Variants in LUZP2 observed in about 807,000 individuals in gnomAD.
LUZP2 encodes leucine zipper protein 2.
A neutral mutation model predicts 51.6 loss-of-function variants in LUZP2; 52 were observed. The observed-to-expected ratio is 1.01, with a 90% CI of 0.81 to 1.27. The LOEUF (loss-of-function observed/expected upper bound fraction) is 1.27. LUZP2 is among the 50% of genes most tolerant of loss of function. The probability of loss-of-function intolerance (pLI) is 0.00; values close to 1 mark genes in which losing one functional copy is unlikely to be tolerated. For missense variants in LUZP2, 436 were observed against 395.4 expected, an observed-to-expected ratio of 1.10 and a Z score of -0.87; for synonymous variants, 154 against 137.3, an observed-to-expected ratio of 1.12 and a Z score of -0.85.
At chr11:24,637,076 G>A (rs1465280819) in intron 1 of LUZP2, among the ~76,000 whole-genome samples, 1 of 151,594 alleles carries the variant, frequency 6.6e-6, no homozygotes, top group African/African-American at 2.4e-5. Flanking sequence ...TAATCTTTTG[G>A]TATAAAATTC....
intron 1 of LUZP2, among the ~76,000 whole-genome samples, chr11:24,662,567 A>G (rs1856057912): frequency 6.6e-6 from 1 of 152,096 alleles, no homozygotes; most frequent in Non-Finnish European, 1.5e-5. Context: ...ACAGAGAAAA[A>G]CAGATAATGA....
intron 1 of LUZP2, among the ~76,000 whole-genome samples, chr11:24,720,180 G>A (rs963910478): frequency 4.6e-5 from 7 of 151,918 alleles, no homozygotes; most frequent in African/African-American, 1.7e-4. Flanking sequence ...TATTATTTTA[G>A]TTCTGAATTC....
At chr11:24,652,545 T>C (rs750943178) in intron 1 of LUZP2, among the ~76,000 whole-genome samples, 2 of 152,110 alleles carry the variant, frequency 1.3e-5, no homozygotes, top group Non-Finnish European at 2.9e-5. Flanking sequence ...AGAAACTATG[T>C]ATATGTCCTC....
At chr11:24,508,702 A>G (rs11027958) in intron 1 of LUZP2, among the ~76,000 whole-genome samples, 15,963 of 152,122 alleles carry the variant, frequency 0.1, 926 homozygotes, top group African/African-American at 0.16. Flanking sequence ...ATTTTTAAAA[A>G]TAATTTATAA....
At chr11:24,606,849 G>C (rs7102799) in intron 1 of LUZP2, among the ~76,000 whole-genome samples, 41,383 of 151,752 alleles carry the variant, frequency 0.27, 5,841 homozygotes, top group Admixed American at 0.33. Context: ...TAAGGGATGT[G>C]AGGTAATATC....
intron 1 of LUZP2, among the ~76,000 whole-genome samples, chr11:24,507,487 T>A (rs936648158): frequency 2.6e-5 from 4 of 152,104 alleles, no homozygotes; most frequent in Non-Finnish European, 5.9e-5. Context: ...CTCACATAGC[T>A]TTCTTTAAAG....
chr11:24,777,751 T>A (rs922037912), intron 5 of LUZP2, among the ~76,000 whole-genome samples: 2 of 152,134 alleles, frequency 1.3e-5, no homozygotes, highest in African/African-American at 4.8e-5. Context: ...TCTTTGATAT[T>A]ATAGTACATA....
At chr11:24,893,654 C>A (rs916879090) in intron 5 of LUZP2, among the ~76,000 whole-genome samples, 2 of 151,796 alleles carry the variant, frequency 1.3e-5, no homozygotes, top group East Asian at 3.9e-4. Context: ...ATATGGAAAG[C>A]GTTTTATTTT....
At chr11:24,921,802 G>T (rs1291140867) in intron 7 of LUZP2, among the ~76,000 whole-genome samples, 1 of 152,086 alleles carries the variant, frequency 6.6e-6, no homozygotes, top group Non-Finnish European at 1.5e-5. Flanking sequence ...GGTGTCCGTG[G>T]AGTTCCTGGA....
intron 1 of LUZP2, among the ~76,000 whole-genome samples, chr11:24,582,728 C>T (rs906824561): frequency 6.6e-6 from 1 of 151,998 alleles, no homozygotes; most frequent in African/African-American, 2.4e-5. Flanking sequence ...AAATGTGTGC[C>T]TGGTTCCAGC....
chr11:24,837,942 G>T (rs528906519), intron 5 of LUZP2, among the ~76,000 whole-genome samples: 21 of 151,740 alleles, frequency 1.4e-4, no homozygotes, highest in African/African-American at 5.1e-4. Flanking sequence ...TTCACAAATG[G>T]TTGCATGATT....
intron 10 of LUZP2, among the ~76,000 whole-genome samples, chr11:25,055,241 C>T (rs1858648756): frequency 6.6e-6 from 1 of 151,936 alleles, no homozygotes; most frequent in African/African-American, 2.4e-5. Context: ...GATCTCTTGA[C>T]CTTGTGATCC....
At chr11:24,964,700 G>T (rs1855530907) in intron 7 of LUZP2, among the ~76,000 whole-genome samples, 1 of 151,914 alleles carries the variant, frequency 6.6e-6, no homozygotes, top group African/African-American at 2.4e-5. Context: ...AGGCAAAATG[G>T]ATTAATAGTA....
chr11:24,940,636 A>T (rs1854720599), intron 7 of LUZP2, among the ~76,000 whole-genome samples: 1 of 152,184 alleles, frequency 6.6e-6, no homozygotes, highest in Non-Finnish European at 1.5e-5. Flanking sequence ...TCAACTTATA[A>T]TAGCTTCTGG....
chr11:24,605,668 AT>A (rs2133875448), intron 1 of LUZP2, among the ~76,000 whole-genome samples: 1 of 151,990 alleles, frequency 6.6e-6, no homozygotes, highest in Admixed American at 6.6e-5. Flanking sequence ...TTAAAGTGAA[AT>A]TTTGAATTTT....
At chr11:25,024,872 A>G (rs1857440850) in intron 9 of LUZP2, among the ~76,000 whole-genome samples, 1 of 149,538 alleles carries the variant, frequency 6.7e-6, no homozygotes, top group Non-Finnish European at 1.5e-5. Context: ...AGCTGGAGGC[A>G]TCACGCTACC....
At chr11:24,965,295 C>T (rs1855547486) in intron 7 of LUZP2, among the ~76,000 whole-genome samples, 1 of 149,114 alleles carries the variant, frequency 6.7e-6, no homozygotes, top group Admixed American at 6.8e-5. Flanking sequence ...TTCACCTGGC[C>T]TAAAAGTAAA....
intron 1 of LUZP2, among the ~76,000 whole-genome samples, chr11:24,675,505 A>G (rs1317113423): frequency 1.3e-5 from 2 of 152,188 alleles, no homozygotes; most frequent in South Asian, 2.1e-4. Context: ...AGCTTGCCAT[A>G]GAGTACTTTC....
chr11:24,958,674 T>C (rs1474688669), intron 7 of LUZP2, among the ~76,000 whole-genome samples: 1 of 152,174 alleles, frequency 6.6e-6, no homozygotes, highest in Non-Finnish European at 1.5e-5. Context: ...GATGAGTAGG[T>C]TGTGAAAATT....
Sources: gnomAD v4.1 joint callset for allele counts (sites outside exome capture counted in the v4.1 genomes callset) on GRCh38, gnomAD v4.1.1 for gene constraint, MANE v1.5 for transcripts, NCBI Gene and HGNC (gene_info 2026-07-23, HGNC 2026-07-21) for gene names.